The following TBC1D15 variants were observed in gnomAD, a reference collection of about 807,000 sequenced individuals.
TBC1D15 encodes the protein TBC1 domain family member 15.
A neutral mutation model predicts 95.4 loss-of-function variants in TBC1D15; 39 were observed. That is an observed-to-expected ratio of 0.41 (90% CI 0.32 to 0.53). The LOEUF (loss-of-function observed/expected upper bound fraction) is 0.53, where lower values mean the gene tolerates loss of function less well. Among genes scored for constraint, TBC1D15 ranks in the 20% least tolerant of loss-of-function variants. TBC1D15 has a pLI of 0.29. For synonymous variants in TBC1D15, 258 were observed against 261.3 expected, an observed-to-expected ratio of 0.99 and a Z score of 0.12; for missense variants, 733 against 794.3, an observed-to-expected ratio of 0.92 and a Z score of 0.93.
At chr12:71,922,864 C>A in intron 16 of TBC1D15, 119 bp from the exon 17 acceptor site, 1 of 944,518 alleles carries the variant, frequency 1.1e-6, no homozygotes, top group Non-Finnish European at 1.6e-6. Flanking sequence ...ATGACATTTA[C>A]ACTGTTAGGA....
intron 10 of TBC1D15, among the ~76,000 whole-genome samples, chr12:71,903,720 A>G (rs1320197226): frequency 1.3e-5 from 2 of 152,210 alleles, no homozygotes; most frequent in Non-Finnish European, 2.9e-5. Context: ...AGCAACATAG[A>G]TGGAACTGGA....
intron 1 of TBC1D15, chr12:71,849,479 A>G: frequency 2.4e-6 from 2 of 847,002 alleles, no homozygotes; most frequent in Non-Finnish European, 4.1e-6. Flanking sequence ...TTCCAAAAGC[A>G]ACTTCCATTA....
chr12:71,899,429 A>G (rs954581210), intron 10 of TBC1D15, among the ~76,000 whole-genome samples: 7 of 152,194 alleles, frequency 4.6e-5, no homozygotes, highest in African/African-American at 1.7e-4. Context: ...GTGGCCTTTC[A>G]GCTATACCAT....
intron 10 of TBC1D15, 33 bp downstream of exon 10, chr12:71,897,974 G>T (rs780934976): frequency 1.4e-6 from 2 of 1,471,492 alleles, no homozygotes; most frequent in South Asian, 1.1e-5. Context: ...GGAAATGCAA[G>T]GGGGGATTAC....
chr12:71,872,161 T>C lies in TBC1D15; in HGVS notation c.122T>C (p.Leu41Ser). The stretch of plus-strand genomic sequence containing the variant: ...TTGATTTCAGGAATATTACGTGTTT[T>C]AGAAAAGGTAAGTTTCTAGTAAATG... Reference protein sequence around the residue: ...DGLISGILRVLEKDAEVIVDW... With the variant: ...DGLISGILRVSEKDAEVIVDW... The change falls in exon 2 of 17, where the codon TTA becomes TCA. Residue 41 changes from leucine to serine, a missense_variant. Coordinates refer to ENST00000485960, the MANE Select transcript of TBC1D15 (RefSeq NM_001146213.3). 6.4e-7 allele frequency: 1 copy of C among 1,552,500 alleles called. No homozygotes were observed. Among genetic ancestry groups the C allele is most frequent in the Non-Finnish European group, 8.7e-7 (1 of 1,150,464 alleles).
chr12:71,887,162 A>G (rs1896386347), intron 5 of TBC1D15, among the ~76,000 whole-genome samples: 1 of 131,214 alleles, frequency 7.6e-6, no homozygotes, highest in African/African-American at 3.1e-5. Context: ...AAACCGGATC[A>G]TTGTATTAAT....
rs1209502820 is a variant in TBC1D15, at chr12:71,894,594, T to C, written c.658-92T>C. Reference sequence around the variant, plus strand: ...TCTGTTTTAGTCCTGATTTCTTTTCTTTTAAAAAGCTTTGCTTTTTTGCTC... The same window carrying C: ...TCTGTTTTAGTCCTGATTTCTTTTCCTTTAAAAAGCTTTGCTTTTTTGCTC... On this transcript the variant is annotated intron_variant, in intron 6 of 16. Transcript: ENST00000485960. The C allele has an allele frequency of 2.4e-6, 3 of 1,242,498 alleles. No homozygotes were observed. In the African/African-American group the frequency reaches 4.6e-5, roughly 19 times the overall value. 77.0% of individuals were successfully genotyped at this position (1,242,498 alleles called of 1,614,324 possible). A position where few individuals can be genotyped will look rare whatever the true frequency, so the allele number is the denominator to read the frequency against.
At chr12:71,868,399 C>T (rs1331368074) in intron 1 of TBC1D15, among the ~76,000 whole-genome samples, 1 of 152,132 alleles carries the variant, frequency 6.6e-6, no homozygotes, top group Non-Finnish European at 1.5e-5. Flanking sequence ...GCACCCGCCA[C>T]CATGCCCGGA....
At position 71,849,791 on chromosome 12, in the gene TBC1D15, G is replaced by C. The variant is rs184115542; in HGVS notation, c.30+9980G>C. On this transcript the variant is annotated intron_variant, in intron 1 of 16. Coordinates refer to ENST00000485960, the MANE Select transcript of TBC1D15 (RefSeq NM_001146213.3). The stretch of plus-strand genomic sequence containing the variant: ...ATCCAGGATCTCCAAAATTGACTCT[G>C]AAAATTTTAATATCTGTTTCTAACT... The C allele has an allele frequency of 9.1e-6, 5 of 546,902 alleles. No homozygotes were observed. In the African/African-American group the frequency reaches 9.7e-5, roughly 11 times the overall value. 33.9% of individuals were successfully genotyped at this position (546,902 alleles called of 1,614,324 possible).
intron 1 of TBC1D15, among the ~76,000 whole-genome samples, chr12:71,868,446 C>T (rs1242370984): frequency 1.3e-5 from 2 of 152,038 alleles, no homozygotes; most frequent in Non-Finnish European, 2.9e-5. Context: ...CGAGGTTTCA[C>T]CGTGTTAGCC....
chr12:71,852,672 C>G (rs1055478152), intron 1 of TBC1D15, among the ~76,000 whole-genome samples: 3 of 152,210 alleles, frequency 2.0e-5, no homozygotes, highest in African/African-American at 7.2e-5. Context: ...AATCATCCAT[C>G]TCAAGTTCCA....
chr12:71,840,433 T>C (rs955836336), intron 1 of TBC1D15, among the ~76,000 whole-genome samples: 1 of 152,218 alleles, frequency 6.6e-6, no homozygotes, highest in Non-Finnish European at 1.5e-5. Flanking sequence ...AAATATTTAT[T>C]TCCTAGGCAT....
chr12:71,919,549 G>T (rs1035656480), intron 14 of TBC1D15, among the ~76,000 whole-genome samples: 1 of 152,072 alleles, frequency 6.6e-6, no homozygotes, highest in African/African-American at 2.4e-5. Flanking sequence ...ATTAGACAAG[G>T]CATTGTGCTG....
At chr12:71,905,446 C>T (rs1476799465) in intron 10 of TBC1D15, among the ~76,000 whole-genome samples, 1 of 152,094 alleles carries the variant, frequency 6.6e-6, no homozygotes, top group Non-Finnish European at 1.5e-5. Context: ...CAACCTCAGC[C>T]TCCTGAGTAA....
In TBC1D15 at chr12:71,858,488, C is replaced by CTTT. The variant is rs57589434; in HGVS notation, c.31-13571_31-13569dup. 1.1e-4 allele frequency among the ~76,000 whole-genome samples: 15 copies of CTTT among 130,678 alleles called. 1 individual carries two copies. The highest frequency in any genetic ancestry group is 3.3e-4 in the African/African-American group (12 of 36,642). 85.7% of individuals were successfully genotyped at this position (130,678 alleles called of 152,430 possible). A position where few individuals can be genotyped will look rare whatever the true frequency, so the allele number is the denominator to read the frequency against. On this transcript the variant is annotated intron_variant, in intron 1 of 16. Transcript: ENST00000485960. ...AGTGCTTCTTTGACATGCTGATTTT[C>CTTT]TTTTTTTTTTTTTGAAATATAGTCA...
At chr12:71,854,297 A>G (rs1456863428) in intron 1 of TBC1D15, among the ~76,000 whole-genome samples, 3 of 152,074 alleles carry the variant, frequency 2.0e-5, no homozygotes, top group Admixed American at 2.0e-4. Context: ...TTCTGGTGGG[A>G]GGTTAAATCC....
At chr12:71,854,745 A>C in intron 1 of TBC1D15, 1 of 456,338 alleles carries the variant, frequency 2.2e-6, no homozygotes, top group Non-Finnish European at 4.4e-6. Flanking sequence ...ATAATCTTCC[A>C]AAACAATTGC....
intron 5 of TBC1D15, among the ~76,000 whole-genome samples, chr12:71,890,170 A>C (rs1896961325): frequency 6.6e-6 from 1 of 152,240 alleles, no homozygotes; most frequent in East Asian, 1.9e-4. Flanking sequence ...TTTTTAAGTT[A>C]AAGTTCAAAT....
chr12:71,873,541 G>A (rs1893138196), intron 3 of TBC1D15, among the ~76,000 whole-genome samples: 1 of 152,150 alleles, frequency 6.6e-6, no homozygotes, highest in African/African-American at 2.4e-5. Context: ...GCATTCATGT[G>A]CAGGTTTTTT....
Sources: gnomAD v4.1 joint callset for allele counts (sites outside exome capture counted in the v4.1 genomes callset) on GRCh38, gnomAD v4.1.1 for gene constraint, MANE v1.5 for transcripts, NCBI Gene and HGNC (gene_info 2026-07-23, HGNC 2026-07-21) for gene names.